Variants in TAF4B observed in about 807,000 individuals in gnomAD.
TAF4B encodes the protein transcription initiation factor TFIID subunit 4B.
In TAF4B, 38 loss-of-function variants were observed where a neutral mutation model predicts 86.4. The observed-to-expected ratio is 0.44, with a 90% CI of 0.34 to 0.58. The LOEUF is 0.58. Ranked by LOEUF, TAF4B falls within the 20% of genes least tolerant of loss-of-function variation. The pLI is 0.02. For missense variants in TAF4B, 988 were observed against 1,027.6 expected, an observed-to-expected ratio of 0.96 and a Z score of 0.53; for synonymous variants, 388 against 391.2, an observed-to-expected ratio of 0.99 and a Z score of 0.10.
At chr18:26,388,491 TG>T (rs1978509342) in intron 14 of TAF4B, among the ~76,000 whole-genome samples, 1 of 152,166 alleles carries the variant, frequency 6.6e-6, no homozygotes, top group African/African-American at 2.4e-5. Flanking sequence ...TATGGTCTAG[TG>T]GGTATGTAGT....
intron 1 of TAF4B, among the ~76,000 whole-genome samples, chr18:26,262,860 T>C (rs765995716): frequency 6.6e-6 from 1 of 152,230 alleles, no homozygotes; most frequent in Non-Finnish European, 1.5e-5. Flanking sequence ...AACAGAGTTG[T>C]AGAGATCCTC....
intron 3 of TAF4B, 53 bp downstream of exon 3, chr18:26,267,676 A>C (rs961904627): frequency 1.6e-6 from 2 of 1,271,286 alleles, no homozygotes; most frequent in Non-Finnish European, 1.1e-6. Flanking sequence ...TTTTAAAAAA[A>C]TCATTTAGCT....
intron 9 of TAF4B, among the ~76,000 whole-genome samples, chr18:26,299,866 G>C (rs969582459): frequency 3.3e-5 from 5 of 152,166 alleles, no homozygotes; most frequent in Non-Finnish European, 7.4e-5. Flanking sequence ...TGGTAGTATA[G>C]TATATACATT....
chr18:26,241,680 G>A (rs537392027), intron 1 of TAF4B, among the ~76,000 whole-genome samples: 1 of 151,828 alleles, frequency 6.6e-6, no homozygotes, highest in Non-Finnish European at 1.5e-5. Flanking sequence ...GTGATGTTAG[G>A]GTGTCAATTT....
chr18:26,369,243 A>T (rs997406953), intron 14 of TAF4B, among the ~76,000 whole-genome samples: 42 of 152,190 alleles, frequency 2.8e-4, no homozygotes, highest in Admixed American at 1.0e-3. Flanking sequence ...AAAAGAAAGG[A>T]AATGGAATAT....
chr18:26,345,447 A>G (rs962184791), intron 13 of TAF4B, among the ~76,000 whole-genome samples: 8 of 152,234 alleles, frequency 5.3e-5, no homozygotes, highest in Middle Eastern at 3.4e-3. Flanking sequence ...GCCCAAATCC[A>G]TGCACCAAGT....
Position 26,346,759 on chromosome 18 carries a change from G to GTATA in TAF4B, c.2317-10919_2317-10916dup, listed in dbSNP as rs1189521252. ...CAAGAATATATATATATATATGTGTGTATATATATATATATGTGTGTGTAT... is the reference window on the plus strand; with the variant it reads ...CAAGAATATATATATATATATGTGTGTATATATATATATATATATGTGTGTGTAT... On this transcript the variant is annotated intron_variant, in intron 13 of 14. Coordinates refer to ENST00000269142, the MANE Select transcript of TAF4B (RefSeq NM_005640.3). Among the ~76,000 whole-genome samples, 86 of 27,144 alleles carry GTATA rather than the reference G, an allele frequency of 3.2e-3. 11 individuals are homozygous for GTATA. In the East Asian group the frequency reaches 0.043, roughly 14 times the overall value. The allele number at this position is 27,144 out of a possible 152,430, so 17.8% of individuals were successfully genotyped here.
intron 3 of TAF4B, among the ~76,000 whole-genome samples, chr18:26,271,596 T>A (rs1247801028): frequency 1.3e-5 from 2 of 152,232 alleles, no homozygotes; most frequent in Admixed American, 6.5e-5. Flanking sequence ...CATTGGCTGG[T>A]CTGTTGAGTC....
At chr18:26,331,775 T>C (rs1791751) in intron 12 of TAF4B, among the ~76,000 whole-genome samples, 72,657 of 152,038 alleles carry the variant, frequency 0.48, 20,264 homozygotes, top group East Asian at 0.82. Context: ...ACTTGGACTT[T>C]CATACTAACT....
At position 26,390,145 on chromosome 18, in the gene TAF4B, C is replaced by A; in HGVS notation, c.*133C>A. ...AAAGAGCATTGTTTACAGTTAGAAACTTTATTAACTCTTACCTATCCATCT... is the reference window on the plus strand; with the variant it reads ...AAAGAGCATTGTTTACAGTTAGAAAATTTATTAACTCTTACCTATCCATCT... On this transcript the variant is annotated 3_prime_UTR_variant, in exon 15 of 15. Coordinates refer to ENST00000269142, the MANE Select transcript of TAF4B (RefSeq NM_005640.3). 2 of 892,604 alleles carry A rather than the reference C, an allele frequency of 2.2e-6. No homozygotes were observed. Among genetic ancestry groups the A allele is most frequent in the Non-Finnish European group, 3.4e-6 (2 of 594,750 alleles). The allele number at this position is 892,604 out of a possible 1,614,324, so 55.3% of individuals were successfully genotyped here.
At position 26,267,540 on chromosome 18, in the gene TAF4B, A is replaced by G; in HGVS notation, c.514A>G (p.Lys172Glu). The G allele has an allele frequency of 6.2e-7, 1 of 1,614,132 alleles. No individual in the cohort carries two copies. The highest frequency in any genetic ancestry group is 8.5e-7 in the Non-Finnish European group (1 of 1,179,970). Reference protein sequence around the residue: ...VPNSSSQLIKKVAVTPVKKLA... With the variant: ...VPNSSSQLIKEVAVTPVKKLA... The stretch of plus-strand genomic sequence containing the variant: ...GAACTCTAGCTCACAATTAATCAAG[A>G]AAGTGGCAGTGACACCTGTTAAAAA... Residue 172 changes from lysine to glutamate, a missense_variant, in exon 3 of 15, where the codon AAA (lysine) becomes GAA (glutamate). By Grantham distance (56) the Lys-to-Glu change is moderately conservative. Transcript: ENST00000269142.
At chr18:26,275,111 T>G (rs1203530578) in intron 5 of TAF4B, 58 bp downstream of exon 5, 5 of 1,486,764 alleles carry the variant, frequency 3.4e-6, no homozygotes, top group Non-Finnish European at 3.6e-6. Flanking sequence ...CATGTTGTAA[T>G]TGGGAAATGC....
intron 1 of TAF4B, among the ~76,000 whole-genome samples, chr18:26,231,649 C>T (rs748887791): frequency 2.6e-4 from 40 of 152,048 alleles, no homozygotes; most frequent in Non-Finnish European, 4.6e-4. Flanking sequence ...CACTGTGCCC[C>T]GTCTATTGTG....
At chr18:26,339,268 T>C (rs1011185949) in intron 13 of TAF4B, among the ~76,000 whole-genome samples, 1 of 152,214 alleles carries the variant, frequency 6.6e-6, no homozygotes, top group Non-Finnish European at 1.5e-5. Context: ...TCCTAAAATG[T>C]AAGTACCTGC....
chr18:26,296,177 G>A (rs149613236), intron 9 of TAF4B, among the ~76,000 whole-genome samples: 161 of 151,282 alleles, frequency 1.1e-3, no homozygotes, highest in African/African-American at 3.5e-3. Flanking sequence ...TCTATTTGCC[G>A]TGGGAAAACT....
chr18:26,305,221 T>C (rs1001008277), intron 9 of TAF4B, among the ~76,000 whole-genome samples: 1 of 152,216 alleles, frequency 6.6e-6, no homozygotes, highest in Non-Finnish European at 1.5e-5. Flanking sequence ...ATATCTTCAA[T>C]AATTCTTGAT....
In TAF4B at chr18:26,279,814, G is replaced by A. The variant is rs191071687; in HGVS notation, c.883-2157G>A. Among the ~76,000 whole-genome samples, 351 of 152,296 alleles carry A rather than the reference G, an allele frequency of 2.3e-3. 2 individuals are homozygous for A. The highest frequency in any genetic ancestry group is 3.9e-3 in the Admixed American group (60 of 15,304). ...CCTAGCACTTTGGGAGGCTGAGGCA[G>A]GTGGATCGCTTGCAGTCAGGAGATT... On this transcript the variant is annotated intron_variant, in intron 5 of 14. Transcript: ENST00000269142.
intron 10 of TAF4B, among the ~76,000 whole-genome samples, chr18:26,318,621 TAAC>T: frequency 6.6e-6 from 1 of 152,244 alleles, no homozygotes; most frequent in East Asian, 1.9e-4. Context: ...TAAAATCACA[TAAC>T]TAGTGTGCAA....
chr18:26,228,872 C>T (rs1318102881), intron 1 of TAF4B, among the ~76,000 whole-genome samples: 1 of 152,096 alleles, frequency 6.6e-6, no homozygotes, highest in African/African-American at 2.4e-5. Flanking sequence ...TCATGCTAAG[C>T]ACTTTTAACA....
Sources: allele counts gnomAD v4.1 joint callset (sites outside exome capture counted in the v4.1 genomes callset), GRCh38; gene constraint gnomAD v4.1.1; transcripts MANE v1.5; gene names NCBI Gene and HGNC (gene_info 2026-07-23, HGNC 2026-07-21).